The following C7orf78 variants were observed in gnomAD, a reference collection of about 807,000 sequenced individuals.
C7orf78 encodes the protein putative uncharacterized protein C7orf78.
chr7:12,508,495 A>C, the C7orf78 span, among the ~76,000 whole-genome samples: 1 of 152,166 alleles, frequency 6.6e-6, no homozygotes, highest in East Asian at 1.9e-4. Flanking sequence ...TAGAAGAAAA[A>C]TTTTATTTTC....
the C7orf78 span, among the ~76,000 whole-genome samples, chr7:12,511,897 G>A: frequency 7.1e-4 from 103 of 144,710 alleles, no homozygotes; most frequent in Non-Finnish European, 1.3e-3. Flanking sequence ...GACTACAGGC[G>A]CCCACCACCA....
the C7orf78 span, among the ~76,000 whole-genome samples, chr7:12,515,570 C>G: frequency 6.6e-6 from 1 of 152,060 alleles, no homozygotes; most frequent in African/African-American, 2.4e-5. Flanking sequence ...CAGGCAGAGG[C>G]TGGAACGGTT....
the C7orf78 span, among the ~76,000 whole-genome samples, chr7:12,539,494 T>C: frequency 6.6e-6 from 1 of 152,114 alleles, no homozygotes; most frequent in Non-Finnish European, 1.5e-5. Flanking sequence ...CTTCAGATGT[T>C]TGATTTATTC....
chr7:12,532,076 T>C, the C7orf78 span, among the ~76,000 whole-genome samples: 2 of 152,140 alleles, frequency 1.3e-5, no homozygotes, highest in African/African-American at 4.8e-5. Context: ...TTACTGTACA[T>C]GTGGCTGGCA....
At chr7:12,532,478 G>A in the C7orf78 span, among the ~76,000 whole-genome samples, 6 of 151,776 alleles carry the variant, frequency 4.0e-5, no homozygotes, top group Non-Finnish European at 8.8e-5. Context: ...GAACCTGGGA[G>A]GCAGAGGTTG....
At chr7:12,494,501 C>T in the C7orf78 span, among the ~76,000 whole-genome samples, 1 of 152,138 alleles carries the variant, frequency 6.6e-6, no homozygotes, top group Non-Finnish European at 1.5e-5. Context: ...CAAGCAAGCT[C>T]TGAACATCAG....
At chr7:12,510,325 C>G in the C7orf78 span, among the ~76,000 whole-genome samples, 4 of 152,150 alleles carry the variant, frequency 2.6e-5, no homozygotes, top group East Asian at 7.8e-4. Context: ...GCTGGGGTGA[C>G]AGGCACATGC....
chr7:12,516,360 C>T, the C7orf78 span, among the ~76,000 whole-genome samples: 1 of 152,228 alleles, frequency 6.6e-6, no homozygotes, highest in Admixed American at 6.5e-5. Context: ...ACCTAGATTT[C>T]AGAAGATGTG....
At chr7:12,508,138 C>T in the C7orf78 span, among the ~76,000 whole-genome samples, 1 of 152,174 alleles carries the variant, frequency 6.6e-6, no homozygotes, top group Admixed American at 6.5e-5. Flanking sequence ...AAGTATAAAA[C>T]TCTTGTTAAT....
chr7:12,531,406 A>G, the C7orf78 span, among the ~76,000 whole-genome samples: 1 of 152,150 alleles, frequency 6.6e-6, no homozygotes, highest in African/African-American at 2.4e-5. Context: ...AGATTAATGT[A>G]GTAGAGTTTG....
the C7orf78 span, among the ~76,000 whole-genome samples, chr7:12,495,930 T>TC: frequency 8.2e-6 from 1 of 121,226 alleles, no homozygotes; most frequent in African/African-American, 2.7e-5. Flanking sequence ...TCAAAAAAAA[T>TC]TTTTTTTTTT....
the C7orf78 span, among the ~76,000 whole-genome samples, chr7:12,515,374 C>T: frequency 6.6e-6 from 1 of 152,168 alleles, no homozygotes; most frequent in Non-Finnish European, 1.5e-5. Context: ...CACCTCCCAC[C>T]ATAATTCTGA....
chr7:12,525,638 T>A, the C7orf78 span, among the ~76,000 whole-genome samples: 1 of 152,142 alleles, frequency 6.6e-6, no homozygotes, highest in African/African-American at 2.4e-5. Flanking sequence ...ACTATTTAAA[T>A]CTTAGATCAT....
At chr7:12,527,511 G>A in the C7orf78 span, among the ~76,000 whole-genome samples, 53 of 75,130 alleles carry the variant, frequency 7.1e-4, no homozygotes, top group South Asian at 1.3e-3. Flanking sequence ...AGTATATGCT[G>A]TGTGTCACTC....
chr7:12,485,811 A>G, the C7orf78 span, among the ~76,000 whole-genome samples: 1,506 of 118,214 alleles, frequency 0.013, no homozygotes, highest in Middle Eastern at 0.034. Context: ...CTAATTGCCT[A>G]AAATCCAAAT....
the C7orf78 span, among the ~76,000 whole-genome samples, chr7:12,486,790 G>T: frequency 6.6e-6 from 1 of 151,912 alleles, no homozygotes; most frequent in Non-Finnish European, 1.5e-5. Flanking sequence ...TTGTAATTTT[G>T]TGGTAAGAAT....
the C7orf78 span, among the ~76,000 whole-genome samples, chr7:12,526,531 T>G: frequency 6.6e-6 from 1 of 152,174 alleles, no homozygotes; most frequent in African/African-American, 2.4e-5. Flanking sequence ...AGTGTTTGTC[T>G]CTGGATAGTG....
chr7:12,489,359 T>A, the C7orf78 span, among the ~76,000 whole-genome samples: 1 of 152,220 alleles, frequency 6.6e-6, no homozygotes, highest in Non-Finnish European at 1.5e-5. Flanking sequence ...AATAAAACAT[T>A]AACGGAAACA....
chr7:12,539,774 T>C, the C7orf78 span, among the ~76,000 whole-genome samples: 1 of 152,166 alleles, frequency 6.6e-6, no homozygotes, highest in South Asian at 2.1e-4. Context: ...TGACTAAACC[T>C]ATGGGTTTAT....
Sources: allele counts gnomAD v4.1 joint callset (sites outside exome capture counted in the v4.1 genomes callset), GRCh38; gene constraint gnomAD v4.1.1; transcripts MANE v1.5; gene names NCBI Gene and HGNC (gene_info 2026-07-23, HGNC 2026-07-21).